Variants in AGBL1 observed in about 807,000 individuals in gnomAD.
AGBL1 encodes the protein AGBL carboxypeptidase 1.
A neutral mutation model predicts 118.9 loss-of-function variants in AGBL1; 130 were observed. The ratio of observed to expected loss-of-function variants is 1.09; its 90% CI spans 0.95 to 1.26. The LOEUF (loss-of-function observed/expected upper bound fraction) is 1.26, where lower values mean the gene tolerates loss of function less well. Among genes scored for constraint, AGBL1 ranks in the 50% most tolerant of loss-of-function variants. The pLI is 0.00. For missense variants in AGBL1, 1,584 were observed against 1,298.1 expected (o/e 1.22, Z -3.38); for synonymous variants, 555 against 478.9 (o/e 1.16, Z -2.08).
chr15:86,652,012 T>C (rs2085379486), intron 21 of AGBL1, among the ~76,000 whole-genome samples: 1 of 152,170 alleles, frequency 6.6e-6, no homozygotes, highest in African/African-American at 2.4e-5. Context: ...CTCTACTGGA[T>C]GCTCAGAAGC....
At chr15:86,972,167 T>C (rs752101154) in intron 23 of AGBL1, among the ~76,000 whole-genome samples, 1 of 152,002 alleles carries the variant, frequency 6.6e-6, no homozygotes, top group Admixed American at 6.6e-5. Flanking sequence ...TCAGAATCCA[T>C]CTTAACACAG....
At position 86,964,787 on chromosome 15, in the gene AGBL1, C is replaced by A. The variant is rs543834599; in HGVS notation, c.3222-23200C>A. Among the ~76,000 whole-genome samples the A allele has an allele frequency of 1.4e-3, 218 of 152,076 alleles. 8 individuals are homozygous for A. The South Asian group carries it at 0.043, about 30-fold the overall frequency. On this transcript the variant is annotated intron_variant, in intron 23 of 24. Coordinates refer to the AGBL1 transcript ENST00000441037. ...CCTAATGCTATCCCTCCCCTACCCC[C>A]CAACCCCTGACAGGCCCCGGTGTGT...
intron 17 of AGBL1, among the ~76,000 whole-genome samples, chr15:86,350,536 AG>A (rs2080609529): frequency 1.3e-5 from 2 of 152,322 alleles, no homozygotes; most frequent in African/African-American, 4.8e-5. Context: ...CCGTATACAT[AG>A]GCTGTTTTTC....
At chr15:86,750,667 G>T (rs1045730427) in intron 22 of AGBL1, among the ~76,000 whole-genome samples, 2 of 151,914 alleles carry the variant, frequency 1.3e-5, no homozygotes, top group African/African-American at 2.4e-5. Context: ...AACTTCAGGG[G>T]TACAAGTGCA....
chr15:86,182,437 T>TTC (rs1256620368), intron 5 of AGBL1, among the ~76,000 whole-genome samples: 1 of 151,944 alleles, frequency 6.6e-6, no homozygotes, highest in Non-Finnish European at 1.5e-5. Context: ...AACTATATAT[T>TTC]TCTCTCTCTC....
chr15:86,237,860 T>A (rs2078578139), intron 6 of AGBL1, among the ~76,000 whole-genome samples: 1 of 152,176 alleles, frequency 6.6e-6, no homozygotes, highest in South Asian at 2.1e-4. Context: ...CACATCCTGA[T>A]CCCTGCTCAC....
intron 21 of AGBL1, among the ~76,000 whole-genome samples, chr15:86,619,038 C>G (rs1467831292): frequency 6.6e-6 from 1 of 151,806 alleles, no homozygotes; most frequent in Non-Finnish European, 1.5e-5. Context: ...TTCGTAGGCC[C>G]TTCTGTAATG....
chr15:86,787,428 T>C (rs1245683851), intron 22 of AGBL1, among the ~76,000 whole-genome samples: 1 of 152,128 alleles, frequency 6.6e-6, no homozygotes, highest in Admixed American at 6.6e-5. Context: ...CTCATTTTCC[T>C]CCCCTCCCCT....
intron 17 of AGBL1, among the ~76,000 whole-genome samples, chr15:86,396,518 T>C (rs541690993): frequency 1.3e-5 from 2 of 152,202 alleles, no homozygotes; most frequent in African/African-American, 4.8e-5. Flanking sequence ...AGATTGAGCT[T>C]CCAGATATTT....
Position 86,778,199 on chromosome 15 carries a change from G to A in AGBL1, c.3158+103763G>A, listed in dbSNP as rs564695731. On this transcript the variant is annotated intron_variant, in intron 22 of 22. Coordinates refer to ENST00000614907, the MANE Select transcript of AGBL1 (RefSeq NM_001386094.1). ...ATAGGGTGTGGGTCACAGAGATCACGAGCTTCACAAGGTAACAGAATATCA... is the reference window on the plus strand; with the variant it reads ...ATAGGGTGTGGGTCACAGAGATCACAAGCTTCACAAGGTAACAGAATATCA... 8.5e-5 allele frequency among the ~76,000 whole-genome samples: 13 copies of A among 152,228 alleles called. No homozygotes were observed. The South Asian group carries it at 1.0e-3, about 12-fold the overall frequency.
At chr15:86,369,064 A>T (rs1259770267) in intron 17 of AGBL1, among the ~76,000 whole-genome samples, 1 of 152,184 alleles carries the variant, frequency 6.6e-6, no homozygotes, top group African/African-American at 2.4e-5. Flanking sequence ...GTCACTGAAG[A>T]TGAAGAAAGT....
chr15:86,777,116 G>A (rs1315320055), intron 22 of AGBL1, among the ~76,000 whole-genome samples: 1 of 151,942 alleles, frequency 6.6e-6, no homozygotes, highest in Non-Finnish European at 1.5e-5. Context: ...CATATGGACA[G>A]CCAATTAATG....
intron 18 of AGBL1, among the ~76,000 whole-genome samples, chr15:86,441,448 T>G (rs1183660619): frequency 6.6e-6 from 1 of 152,114 alleles, no homozygotes; most frequent in African/African-American, 2.4e-5. Flanking sequence ...GCACACATAG[T>G]GGACTGCTTT....
chr15:86,449,300 T>C (rs879108324), intron 18 of AGBL1, among the ~76,000 whole-genome samples: 1 of 152,156 alleles, frequency 6.6e-6, no homozygotes. Flanking sequence ...AAGGCATTTT[T>C]TCTCTCCCAA....
intron 5 of AGBL1, among the ~76,000 whole-genome samples, chr15:86,191,413 A>T (rs2141829024): frequency 6.6e-6 from 1 of 151,618 alleles, no homozygotes; most frequent in East Asian, 1.9e-4. Flanking sequence ...CTTTTAAATG[A>T]AATTAACAGA....
intron 23 of AGBL1, among the ~76,000 whole-genome samples, chr15:86,985,065 T>C (rs1475111279): frequency 6.6e-6 from 1 of 152,226 alleles, no homozygotes; most frequent in Non-Finnish European, 1.5e-5. Context: ...TTGCATGTTT[T>C]AGTAGTATCC....
At chr15:86,225,596 T>A (rs2132657) in intron 6 of AGBL1, among the ~76,000 whole-genome samples, 22,439 of 152,130 alleles carry the variant, frequency 0.15, 2,178 homozygotes, top group South Asian at 0.26. Context: ...CTAATTACGT[T>A]GGGAGTCAAT....
At chr15:86,691,948 TAAG>T (rs1222478700) in intron 22 of AGBL1, among the ~76,000 whole-genome samples, 1 of 152,064 alleles carries the variant, frequency 6.6e-6, no homozygotes, top group African/African-American at 2.4e-5. Context: ...ATTTTATTAT[TAAG>T]AAGTTGAATC....
At chr15:86,551,769 A>G (rs1317542319) in intron 20 of AGBL1, among the ~76,000 whole-genome samples, 1 of 152,316 alleles carries the variant, frequency 6.6e-6, no homozygotes, top group South Asian at 2.1e-4. Context: ...CTACAGCCCA[A>G]TATTTGTTAT....
Sources: gnomAD v4.1 joint callset for allele counts (sites outside exome capture counted in the v4.1 genomes callset) on GRCh38, gnomAD v4.1.1 for gene constraint, MANE v1.5 for transcripts, NCBI Gene and HGNC (gene_info 2026-07-23, HGNC 2026-07-21) for gene names.